Variants in ATP1A1 observed in about 807,000 individuals in gnomAD.
ATP1A1 encodes the protein sodium/potassium-transporting ATPase subunit alpha-1.
A neutral mutation model predicts 114.8 loss-of-function variants in ATP1A1; 14 were observed. That is an observed-to-expected ratio of 0.12 (90% CI 0.08 to 0.19). The LOEUF is 0.19. Ranked by LOEUF, ATP1A1 falls within the 10% of genes least tolerant of loss-of-function variation. ATP1A1 has a pLI of 1.00. For missense variants in ATP1A1, 524 were observed against 1,290.7 expected (o/e 0.41, Z 9.10); for synonymous variants, 471 against 466.3 (o/e 1.01, Z -0.13).
Position 116,389,695 on chromosome 1 carries a change from G to GGC in ATP1A1, c.1012_1013dup (p.Thr339ProfsTer7). 1 of 1,614,098 alleles carries GGC rather than the reference G, an allele frequency of 6.2e-7. No individual in the cohort carries two copies. The highest frequency in any genetic ancestry group is 8.5e-7 in the Non-Finnish European group (1 of 1,180,000). On this transcript the variant is annotated frameshift_variant, in exon 8 of 23. Transcript: ENST00000295598. LOFTEE classifies it high-confidence loss of function. This position sits in a 1 kb window ranked among gnomAD's most constrained non-coding sequence, Gnocchi z 6.9. ...TAGCCAATGTGCCGGAAGGTTTGCT[G>GGC]GCCACTGTCACGGTAAGAGGCAGGT...
intron 1 of ATP1A1, 135 bp downstream of exon 1, chr1:116,373,658 C>G (rs568900593): frequency 1.0e-5 from 11 of 1,070,390 alleles, no homozygotes; most frequent in African/African-American, 1.7e-5. Context: ...CTGGCAGAGC[C>G]GCGCGGCTTA....
intron 8 of ATP1A1, 173 bp from the exon 9 acceptor site, chr1:116,390,040 G>T: frequency 1.4e-6 from 1 of 721,282 alleles, no homozygotes; most frequent in Non-Finnish European, 2.3e-6. Flanking sequence ...TTGCTTTTCT[G>T]GAAGGAAGGG....
intron 1 of ATP1A1, chr1:116,383,396 A>G: frequency 1.0e-6 from 1 of 982,864 alleles, no homozygotes; most frequent in South Asian, 3.5e-5. Context: ...TTTGCAAAGC[A>G]AAGAATATAA....
rs777043117 is a variant in ATP1A1, at chr1:116,404,664, G to C, written c.*220G>C. On this transcript the variant is annotated 3_prime_UTR_variant, in exon 23 of 23. Coordinates refer to ENST00000295598, the MANE Select transcript of ATP1A1 (RefSeq NM_000701.8). This position sits in a 1 kb window ranked among gnomAD's most constrained non-coding sequence, Gnocchi z 4.8. The stretch of plus-strand genomic sequence containing the variant: ...ATCCATCTGTGGAAATGACAGCGGG[G>C]AAGGTTTTTATGTGCCTTTTTGTTT... 322 of 1,297,762 alleles carry C rather than the reference G, an allele frequency of 2.5e-4. No homozygotes were observed. Among genetic ancestry groups the C allele is most frequent in the Non-Finnish European group, 3.0e-4 (309 of 1,027,894 alleles). 80.4% of individuals were successfully genotyped at this position (1,297,762 alleles called of 1,614,324 possible). A position where few individuals can be genotyped will look rare whatever the true frequency, so the allele number is the denominator to read the frequency against.
Position 116,390,763 on chromosome 1 carries a change from G to A in ATP1A1, c.1223-19G>A, listed in dbSNP as rs760179627. 24 of 1,601,836 alleles carry A rather than the reference G, an allele frequency of 1.5e-5. No individual in the cohort carries two copies. Among genetic ancestry groups the A allele is most frequent in the Non-Finnish European group, 2.1e-5 (24 of 1,169,238 alleles). ...AGTTAATGCATTGTTGTTCTGTTGT[G>A]TTTTCTTGCCTCCATCAGGTGTCTC... On this transcript the variant is annotated intron_variant, in intron 9 of 22. Coordinates refer to ENST00000295598, the MANE Select transcript of ATP1A1 (RefSeq NM_000701.8).
In ATP1A1 at chr1:116,404,695, A is replaced by T. The variant is rs1570988231; in HGVS notation, c.*251A>T. ...TTTTATGTGCCTTTTTGTTTTTGTA[A>T]AAAAGGAACACCCGGAAAGACTGAA... On this transcript the variant is annotated 3_prime_UTR_variant, in exon 23 of 23. Coordinates refer to ENST00000295598, the MANE Select transcript of ATP1A1 (RefSeq NM_000701.8). The surrounding 1 kb of genome is among the most constrained non-coding windows in gnomAD (Gnocchi z 4.8). 9.4e-6 allele frequency: 12 copies of T among 1,280,760 alleles called. No individual in the cohort carries two copies. The South Asian group carries it at 3.3e-4, about 36-fold the overall frequency. 79.3% of individuals were successfully genotyped at this position (1,280,760 alleles called of 1,614,324 possible). A position where few individuals can be genotyped will look rare whatever the true frequency, so the allele number is the denominator to read the frequency against.
chr1:116,385,105 C>G lies in ATP1A1; in HGVS notation c.183+263C>G. The G allele has an allele frequency of 2.4e-6, 1 of 415,064 alleles. No homozygotes were observed. Among genetic ancestry groups the G allele is most frequent in the Non-Finnish European group, 4.3e-6 (1 of 232,546 alleles). 25.7% of individuals were successfully genotyped at this position (415,064 alleles called of 1,614,324 possible). A position where few individuals can be genotyped will look rare whatever the true frequency, so the allele number is the denominator to read the frequency against. ...CAGTAAGTGGGAACACCAGGACTTG[C>G]AGTTGGCTTCAAAGCCATGCTTATG... is the stretch of plus-strand genomic sequence containing the variant. On this transcript the variant is annotated intron_variant, in intron 3 of 22. Coordinates refer to ENST00000295598, the MANE Select transcript of ATP1A1 (RefSeq NM_000701.8). This position sits in a 1 kb window ranked among gnomAD's most constrained non-coding sequence, Gnocchi z 4.3.
At chr1:116,376,843 G>A (rs1178539555) in intron 1 of ATP1A1, among the ~76,000 whole-genome samples, 2 of 152,126 alleles carry the variant, frequency 1.3e-5, no homozygotes, top group Non-Finnish European at 2.9e-5. Context: ...GCCCAGATGA[G>A]GGCTAACACT....
chr1:116,382,057 C>T (rs1292773332), intron 1 of ATP1A1, among the ~76,000 whole-genome samples: 1 of 152,124 alleles, frequency 6.6e-6, no homozygotes, highest in Non-Finnish European at 1.5e-5. Flanking sequence ...CGCCTATAAT[C>T]CCAGCTACTC....
intron 1 of ATP1A1, among the ~76,000 whole-genome samples, chr1:116,379,183 C>T (rs1651575119): frequency 6.6e-6 from 1 of 152,148 alleles, no homozygotes; most frequent in African/African-American, 2.4e-5. Flanking sequence ...GTTGAGGGAA[C>T]CTGCTGGCTA....
In ATP1A1 at chr1:116,393,465, T is replaced by C; in HGVS notation, c.1468-66T>C. ...AAATACTAAATAGTAAGTGAAGCTT[T>C]GTTTTCCACCATGGACTGCCACACA... On this transcript the variant is annotated intron_variant, in intron 11 of 22. Coordinates refer to ENST00000295598, the MANE Select transcript of ATP1A1 (RefSeq NM_000701.8). This position sits in a 1 kb window ranked among gnomAD's most constrained non-coding sequence, Gnocchi z 5.0. 1.3e-6 allele frequency: 2 copies of C among 1,502,798 alleles called. No homozygotes were observed. The highest frequency in any genetic ancestry group is 2.8e-5 in the African/African-American group (2 of 71,550). 93.1% of individuals were successfully genotyped at this position (1,502,798 alleles called of 1,614,324 possible).
Position 116,384,033 on chromosome 1 carries a change from A to G in ATP1A1, c.32A>G (p.Glu11Gly). The G allele has an allele frequency of 6.2e-7, 1 of 1,614,134 alleles. No homozygotes were observed. Among genetic ancestry groups the G allele is most frequent in the Non-Finnish European group, 8.5e-7 (1 of 1,179,972 alleles). The change falls in exon 2 of 23, where the codon GAG (glutamate) becomes GGG (glycine). Residue 11 changes from glutamate (E) to glycine (G), a missense_variant. Glu to Gly is a moderately conservative substitution (Grantham distance 98). Around this residue, in one of 8 missense-constraint regions of ATP1A1, gnomAD observed 33 missense variants for 31.2 expected, o/e 1.06. Coordinates refer to ENST00000295598, the MANE Select transcript of ATP1A1 (RefSeq NM_000701.8). This position sits in a 1 kb window ranked among gnomAD's most constrained non-coding sequence, Gnocchi z 5.1. The stretch of plus-strand genomic sequence containing the variant: ...CTACAGGTTGGACGTGATAAGTATG[A>G]GCCTGCAGCTGTTTCAGAACAAGGT... MGKGVGRDKYEPAAVSEQGDK... is the reference protein window; with the variant it reads MGKGVGRDKYGPAAVSEQGDK...
chr1:116,375,520 T>G (rs1445860823), intron 1 of ATP1A1, among the ~76,000 whole-genome samples: 1 of 152,240 alleles, frequency 6.6e-6, no homozygotes, highest in Non-Finnish European at 1.5e-5. Context: ...AACCCAGATG[T>G]CTTACAACAA....
chr1:116,390,489 ATTTC>A, intron 9 of ATP1A1, 78 bp downstream of exon 9: 1 of 1,289,102 alleles, frequency 7.8e-7, no homozygotes, highest in Non-Finnish European at 1.0e-6. Context: ...ATTGCATGAA[ATTTC>A]TTTTTTTTTT....
rs564870352 is a variant in ATP1A1 at position 116,393,142 on chromosome 1, G to C, written c.1467+154G>C. On this transcript the variant is annotated intron_variant, in intron 11 of 22. Coordinates refer to ENST00000295598, the MANE Select transcript of ATP1A1 (RefSeq NM_000701.8). This position sits in a 1 kb window ranked among gnomAD's most constrained non-coding sequence, Gnocchi z 5.0. ...GATTACCATAGAATGCCATAATTTAGTTGAATATCAGCAGGATAAATGAAG... is the reference window on the plus strand; with the variant it reads ...GATTACCATAGAATGCCATAATTTACTTGAATATCAGCAGGATAAATGAAG... The C allele has an allele frequency of 1.8e-6, 2 of 1,100,708 alleles. No individual in the cohort carries two copies. Among genetic ancestry groups the C allele is most frequent in the African/African-American group, 3.2e-5 (2 of 62,974 alleles). 68.2% of individuals were successfully genotyped at this position (1,100,708 alleles called of 1,614,324 possible).
intron 21 of ATP1A1, among the ~76,000 whole-genome samples, chr1:116,403,021 A>C (rs768542512): frequency 6.6e-6 from 1 of 152,210 alleles, no homozygotes; most frequent in Non-Finnish European, 1.5e-5. Context: ...AGAGCTTTCC[A>C]AAAAGGCTGG....
intron 8 of ATP1A1, 112 bp from the exon 9 acceptor site, chr1:116,390,100 AG>A: frequency 9.1e-7 from 1 of 1,094,036 alleles, no homozygotes; most frequent in South Asian, 1.5e-5. Context: ...CTTCAGAAGA[AG>A]GTTGGAGAGA....
At chr1:116,375,369 T>C (rs566770476) in intron 1 of ATP1A1, among the ~76,000 whole-genome samples, 2 of 152,372 alleles carry the variant, frequency 1.3e-5, no homozygotes, top group South Asian at 4.1e-4. Flanking sequence ...GTATTTGTGA[T>C]GTTGAATTAA....
intron 1 of ATP1A1, among the ~76,000 whole-genome samples, chr1:116,377,039 A>G (rs1258688187): frequency 1.3e-5 from 2 of 152,244 alleles, no homozygotes; most frequent in African/African-American, 4.8e-5. Context: ...AAATCAGGCT[A>G]TGTTCTTTTA....
Sources: allele counts gnomAD v4.1 joint callset (sites outside exome capture counted in the v4.1 genomes callset), GRCh38; gene constraint gnomAD v4.1.1; regional missense constraint gnomAD v4.1.1; non-coding constraint Gnocchi (gnomAD v3.1); transcripts MANE v1.5; gene names NCBI Gene and HGNC (gene_info 2026-07-23, HGNC 2026-07-21).